SMOC2: variants seen among roughly 807,000 people sequenced by gnomAD.
SMOC2 encodes SPARC-related modular calcium-binding protein 2.
SMOC2 carries 39 observed loss-of-function variants against 61.4 expected under a neutral mutation model. The observed-to-expected ratio is 0.64, with a 90% confidence interval of 0.49 to 0.83. The LOEUF is 0.83. SMOC2 is among the 40% of genes least tolerant of loss of function. The probability of loss-of-function intolerance (pLI) is 0.00; values close to 1 mark genes in which losing one functional copy is unlikely to be tolerated. For synonymous variants in SMOC2, 247 were observed against 239.9 expected, an observed-to-expected ratio of 1.03 and a Z score of -0.27; for missense variants, 556 against 592.9, an observed-to-expected ratio of 0.94 and a Z score of 0.65.
At chr6:168,526,474 G>C (rs140332494) in intron 3 of SMOC2, 22 bp downstream of exon 3, 8 of 1,599,734 alleles carry the variant, frequency 5.0e-6, no homozygotes, top group Non-Finnish European at 6.9e-6. Context: ...TGCTTGGGAG[G>C]TTCTGCACCT....
intron 7 of SMOC2, among the ~76,000 whole-genome samples, chr6:168,581,596 T>G (rs940755522): frequency 6.6e-6 from 1 of 152,254 alleles, no homozygotes; most frequent in Non-Finnish European, 1.5e-5. Flanking sequence ...TATTAACAGA[T>G]GAATATCAAT....
chr6:168,495,381 G>A (rs753975321), intron 1 of SMOC2, among the ~76,000 whole-genome samples: 3 of 152,298 alleles, frequency 2.0e-5, no homozygotes, highest in South Asian at 2.1e-4. Flanking sequence ...CCTTGTCCGC[G>A]GCTCCCGGTG....
intron 1 of SMOC2, among the ~76,000 whole-genome samples, chr6:168,463,490 G>A (rs1419704127): frequency 6.6e-6 from 1 of 152,180 alleles, no homozygotes; most frequent in Non-Finnish European, 1.5e-5. Flanking sequence ...TTCAAGTAAT[G>A]CATGTCGACA....
At position 168,457,799 on chromosome 6, in the gene SMOC2, GT is replaced by G. The variant is rs375659624; in HGVS notation, c.84+16349del. Among the ~76,000 whole-genome samples, 55 of 152,302 alleles carry G rather than the reference GT, an allele frequency of 3.6e-4. No individual in the cohort carries two copies. The East Asian group carries it at 3.9e-3, about 11-fold the overall frequency. ...GAAGGCCTGGAATTTTTCCAAGCCT[GT>G]TTTGTTCTCTCTTCCCTCCTCTTTC... On this transcript the variant is annotated intron_variant, in intron 1 of 12. Coordinates refer to ENST00000356284, the MANE Select transcript of SMOC2 (RefSeq NM_001166412.2).
chr6:168,472,006 A>G (rs919920949), intron 1 of SMOC2, among the ~76,000 whole-genome samples: 1 of 152,038 alleles, frequency 6.6e-6, no homozygotes, highest in African/African-American at 2.4e-5. Context: ...GTGCGTTTCC[A>G]CTCTGATGAC....
At chr6:168,566,301 C>G (rs1163493539) in intron 7 of SMOC2, among the ~76,000 whole-genome samples, 1 of 152,082 alleles carries the variant, frequency 6.6e-6, no homozygotes, top group Non-Finnish European at 1.5e-5. Flanking sequence ...AGGACACTGT[C>G]TAATCATGTA....
intron 1 of SMOC2, among the ~76,000 whole-genome samples, chr6:168,497,731 A>T (rs144106401): frequency 6.6e-6 from 1 of 152,288 alleles, no homozygotes; most frequent in South Asian, 2.1e-4. Context: ...GGGTTATTCA[A>T]TCATCGCCCT....
Position 168,535,644 on chromosome 6 carries a change from A to C in SMOC2, c.463+7917A>C, listed in dbSNP as rs186041947. Reference sequence around the variant, plus strand: ...CAAAGTCCACCGAAACCCTCCTCCAAGTCCATAAATAACATAAAGGATCAC... The same window carrying C: ...CAAAGTCCACCGAAACCCTCCTCCACGTCCATAAATAACATAAAGGATCAC... On this transcript the variant is annotated intron_variant, in intron 4 of 12. Transcript: ENST00000356284. This position sits in a 1 kb window ranked among gnomAD's most constrained non-coding sequence, Gnocchi z 4.6. 1.2e-4 allele frequency among the ~76,000 whole-genome samples: 18 copies of C among 152,344 alleles called. No homozygotes were observed. The highest frequency in any genetic ancestry group is 2.4e-4 in the Non-Finnish European group (16 of 68,030).
chr6:168,450,961 G>T (rs945323481), intron 1 of SMOC2, among the ~76,000 whole-genome samples: 1 of 152,068 alleles, frequency 6.6e-6, no homozygotes, highest in African/African-American at 2.4e-5. Flanking sequence ...TTTTCATCTT[G>T]ATTCCATTAT....
intron 9 of SMOC2, among the ~76,000 whole-genome samples, chr6:168,650,397 G>A (rs772163134): frequency 6.6e-6 from 1 of 152,208 alleles, no homozygotes; most frequent in Admixed American, 6.5e-5. Flanking sequence ...CTCGCTGGAT[G>A]AGTGACACTG....
intron 1 of SMOC2, among the ~76,000 whole-genome samples, chr6:168,498,129 T>A (rs1782637005): frequency 6.6e-6 from 1 of 152,190 alleles, no homozygotes; most frequent in African/African-American, 2.4e-5. Context: ...TTTCCTATTT[T>A]AAATCCTTCA....
At chr6:168,448,537 G>T (rs955904806) in intron 1 of SMOC2, among the ~76,000 whole-genome samples, 2 of 150,396 alleles carry the variant, frequency 1.3e-5, no homozygotes, top group Non-Finnish European at 3.0e-5. Context: ...GGATGAGGAT[G>T]GGGAGGAGGA....
intron 1 of SMOC2, among the ~76,000 whole-genome samples, chr6:168,467,026 A>T (rs2115009164): frequency 6.6e-6 from 1 of 152,202 alleles, no homozygotes; most frequent in Admixed American, 6.5e-5. Flanking sequence ...GCTCCCCACA[A>T]GCAGCGCCGT....
intron 4 of SMOC2, among the ~76,000 whole-genome samples, chr6:168,530,637 A>ACCCCCCCCCCCCCCCCCCC (rs3064057): frequency 4.2e-5 from 5 of 120,190 alleles, no homozygotes; most frequent in African/African-American, 2.0e-4. Flanking sequence ...TCACGGTGCA[A>ACCCCCCCCCCCCCCCCCCC]CCCCCCCCCC....
intron 1 of SMOC2, among the ~76,000 whole-genome samples, chr6:168,465,303 G>A (rs1021059241): frequency 3.9e-4 from 60 of 152,188 alleles, no homozygotes; most frequent in Middle Eastern, 3.4e-3. Context: ...TAGATAGAAC[G>A]TTGTCCTTTA....
intron 5 of SMOC2, among the ~76,000 whole-genome samples, chr6:168,546,426 G>T (rs1165783499): frequency 6.6e-6 from 1 of 152,112 alleles, no homozygotes; most frequent in Non-Finnish European, 1.5e-5. Flanking sequence ...GGGGCCCAAT[G>T]TGTGTGTGTC....
Position 168,441,246 on chromosome 6 carries a change from G to C in SMOC2, c.-125G>C. On this transcript the variant is annotated 5_prime_UTR_variant, in exon 1 of 13. Transcript: ENST00000356284. The stretch of plus-strand genomic sequence containing the variant: ...TCCAGCCGGGCCGCCGGGAGCGGTG[G>C]GGAGAGCATCGCGGAGCCGCCCCTC... 2 of 1,337,274 alleles carry C rather than the reference G, an allele frequency of 1.5e-6. No homozygotes were observed. Among genetic ancestry groups the C allele is most frequent in the South Asian group, 1.8e-5 (1 of 54,130 alleles). The allele number at this position is 1,337,274 out of a possible 1,614,324, so 82.8% of individuals were successfully genotyped here. A position where few individuals can be genotyped will look rare whatever the true frequency, so the allele number is the denominator to read the frequency against.
chr6:168,575,596 G>C (rs936646728), intron 7 of SMOC2, among the ~76,000 whole-genome samples: 1 of 152,162 alleles, frequency 6.6e-6, no homozygotes, highest in Admixed American at 6.5e-5. Context: ...GGAGCCATGC[G>C]AAGGGTCTGT....
intron 11 of SMOC2, among the ~76,000 whole-genome samples, chr6:168,659,767 TGAGG>T (rs1787450685): frequency 1.0e-4 from 13 of 128,186 alleles, no homozygotes; most frequent in East Asian, 2.3e-4. Context: ...GTAGGTTGGG[TGAGG>T]TTGTAGATTA....
Sources: allele counts gnomAD v4.1 joint callset (sites outside exome capture counted in the v4.1 genomes callset), GRCh38; gene constraint gnomAD v4.1.1; non-coding constraint Gnocchi (gnomAD v3.1); transcripts MANE v1.5; gene names NCBI Gene and HGNC (gene_info 2026-07-23, HGNC 2026-07-21).